DERL1: variants seen among roughly 807,000 people sequenced by gnomAD.
The protein encoded by DERL1 is derlin-1.
In DERL1, 24 loss-of-function variants were observed where a neutral mutation model predicts 41.6. The observed-to-expected ratio is 0.58, with a 90% CI of 0.42 to 0.81. DERL1 has a LOEUF of 0.81. Among genes scored for constraint, DERL1 ranks in the 30% least tolerant of loss-of-function variants. DERL1 has a pLI of 0.00. For synonymous variants in DERL1, 124 were observed against 112.5 expected (o/e 1.10, Z -0.65); for missense variants, 260 against 314.3 (o/e 0.83, Z 1.31).
intron 1 of DERL1, among the ~76,000 whole-genome samples, chr8:123,031,468 C>A (rs1812814350): frequency 6.6e-6 from 1 of 152,102 alleles, no homozygotes; most frequent in Admixed American, 6.6e-5. Context: ...TCGCTTGAAC[C>A]CAGGAGGCGG....
intron 1 of DERL1, among the ~76,000 whole-genome samples, chr8:123,033,552 T>C (rs1812861341): frequency 6.6e-6 from 1 of 152,164 alleles, no homozygotes; most frequent in Non-Finnish European, 1.5e-5. Context: ...GAGACCAGGC[T>C]GACCAAGGTG....
At chr8:123,035,817 C>G (rs948852949) in intron 1 of DERL1, among the ~76,000 whole-genome samples, 1 of 152,046 alleles carries the variant, frequency 6.6e-6, no homozygotes, top group Admixed American at 6.5e-5. Context: ...ATCTTCTAAA[C>G]AATCTGCTAC....
rs965803160 is a variant in DERL1, at chr8:123,042,257, G to T, written c.-135C>A. 2 of 1,203,608 alleles carry T rather than the reference G, an allele frequency of 1.7e-6. No individual in the cohort carries two copies. Among genetic ancestry groups the T allele is most frequent in the Non-Finnish European group, 2.2e-6 (2 of 909,764 alleles). 74.6% of individuals were successfully genotyped at this position (1,203,608 alleles called of 1,614,324 possible). On this transcript the variant is annotated 5_prime_UTR_variant, in exon 1 of 8. Coordinates refer to ENST00000259512, the MANE Select transcript of DERL1 (RefSeq NM_024295.6). Reference sequence around the variant, plus strand: ...AAGCCGCGATGCAGAAGGCGGAGACGGGCGGACGTGGCGCCACCGAATTCG... The same window carrying T: ...AAGCCGCGATGCAGAAGGCGGAGACTGGCGGACGTGGCGCCACCGAATTCG...
rs377514058 is a variant in DERL1, at chr8:123,026,774, A to C, written c.266-1724T>G. ...AGCTATTATTCACAATGGCCAAAAAATGAAACCAAGTCAAATGTCTATCAA... is the reference window on the plus strand; with the variant it reads ...AGCTATTATTCACAATGGCCAAAAACTGAAACCAAGTCAAATGTCTATCAA... On this transcript the variant is annotated intron_variant, in intron 2 of 7. Coordinates refer to ENST00000259512, the MANE Select transcript of DERL1 (RefSeq NM_024295.6). 2.4e-4 allele frequency among the ~76,000 whole-genome samples: 36 copies of C among 152,332 alleles called. 1 individual carries two copies. Among genetic ancestry groups the C allele is most frequent in the African/African-American group, 8.7e-4 (36 of 41,570 alleles).
At chr8:123,040,478 G>C (rs1315204244) in intron 1 of DERL1, among the ~76,000 whole-genome samples, 1 of 152,200 alleles carries the variant, frequency 6.6e-6, no homozygotes, top group Non-Finnish European at 1.5e-5. Context: ...GGAGCCTAAG[G>C]TACAAGTTGG....
At chr8:123,027,467 C>T (rs1167102371) in intron 2 of DERL1, among the ~76,000 whole-genome samples, 1 of 151,898 alleles carries the variant, frequency 6.6e-6, no homozygotes, top group Non-Finnish European at 1.5e-5. Context: ...ATACTAAAAA[C>T]CAATGAATTG....
intron 7 of DERL1, chr8:123,016,572 C>A (rs1365443851): frequency 6.6e-6 from 1 of 152,200 alleles, no homozygotes; most frequent in African/African-American, 2.4e-5. Flanking sequence ...CTTATAAATT[C>A]ATCTGATCTT....
At chr8:123,024,671 C>T (rs1298756156) in intron 3 of DERL1, among the ~76,000 whole-genome samples, 2 of 152,062 alleles carry the variant, frequency 1.3e-5, no homozygotes, top group African/African-American at 2.4e-5. Flanking sequence ...TCTCATGGCA[C>T]GGACTCTCTT....
intron 7 of DERL1, chr8:123,018,865 C>T (rs983466388): frequency 1.2e-5 from 4 of 325,036 alleles, no homozygotes; most frequent in Admixed American, 5.0e-5. Context: ...CCCCACTAAC[C>T]TGTGACTCTG....
chr8:123,037,903 A>G (rs1004792013), intron 1 of DERL1, among the ~76,000 whole-genome samples: 4 of 152,240 alleles, frequency 2.6e-5, no homozygotes, highest in Non-Finnish European at 5.9e-5. Flanking sequence ...CTTAGAAAAC[A>G]CAAAGGCAGC....
chr8:123,033,429 T>C (rs1426263761), intron 1 of DERL1, among the ~76,000 whole-genome samples: 1 of 152,192 alleles, frequency 6.6e-6, no homozygotes, highest in Non-Finnish European at 1.5e-5. Context: ...AAGCTGAGTA[T>C]CTTACTGCCT....
At chr8:123,040,800 C>G (rs1813041575) in intron 1 of DERL1, among the ~76,000 whole-genome samples, 1 of 152,116 alleles carries the variant, frequency 6.6e-6, no homozygotes. Context: ...ATGACTCCGA[C>G]AATTAACTTC....
intron 4 of DERL1, among the ~76,000 whole-genome samples, chr8:123,023,340 G>A (rs1298694206): frequency 6.6e-6 from 1 of 152,138 alleles, no homozygotes; most frequent in Non-Finnish European, 1.5e-5. Flanking sequence ...GGCGGATCAT[G>A]AGGTCAGGAG....
intron 7 of DERL1, 159 bp from the exon 8 acceptor site, chr8:123,015,744 T>A: frequency 1.1e-6 from 1 of 895,270 alleles, no homozygotes; most frequent in Non-Finnish European, 1.6e-6. Context: ...GTCTTTTCTG[T>A]ACTCAGCCCC....
In DERL1 at chr8:123,042,139, G is replaced by A. The variant is rs1554597028; in HGVS notation, c.-17C>T. 1 of 1,597,764 alleles carries A rather than the reference G, an allele frequency of 6.3e-7. No homozygotes were observed. Among genetic ancestry groups the A allele is most frequent in the Non-Finnish European group, 8.6e-7 (1 of 1,169,364 alleles). ...GTCCGACATCTTCGACCCACAGGTAGCCAAGATGCACAAGACCGCCCGACT... is the reference window on the plus strand; with the variant it reads ...GTCCGACATCTTCGACCCACAGGTAACCAAGATGCACAAGACCGCCCGACT... On this transcript the variant is annotated 5_prime_UTR_variant, in exon 1 of 8. Transcript: ENST00000259512.
intron 2 of DERL1, among the ~76,000 whole-genome samples, chr8:123,029,365 G>A (rs1158462292): frequency 1.3e-5 from 2 of 152,096 alleles, no homozygotes; most frequent in Non-Finnish European, 2.9e-5. Context: ...CTTACACTTT[G>A]TATTAATACA....
intron 4 of DERL1, among the ~76,000 whole-genome samples, chr8:123,023,315 T>C (rs755796316): frequency 3.9e-5 from 6 of 152,224 alleles, no homozygotes; most frequent in Non-Finnish European, 5.9e-5. Flanking sequence ...CCCAGCACTT[T>C]GGGAGGCCGA....
intron 3 of DERL1, among the ~76,000 whole-genome samples, chr8:123,023,982 A>C (rs1000815724): frequency 1.3e-5 from 2 of 152,220 alleles, no homozygotes; most frequent in Non-Finnish European, 2.9e-5. Flanking sequence ...TTAATTAAAA[A>C]AATTTTTAAG....
At position 123,014,011 on chromosome 8, in the gene DERL1, A is replaced by T. The variant is rs1814486357; in HGVS notation, c.*1436T>A. The T allele has an allele frequency of 6.6e-6, 1 of 152,224 alleles. No homozygotes were observed. The highest frequency in any genetic ancestry group is 1.5e-5 in the Non-Finnish European group (1 of 68,028). 9.4% of individuals were successfully genotyped at this position (152,224 alleles called of 1,614,324 possible). ...AAGAATAGTCATACTGTTAGAGCAC[A>T]ATGTTTCCTGAAAAGAAACTGATCA... On this transcript the variant is annotated 3_prime_UTR_variant, in exon 8 of 8. Coordinates refer to ENST00000259512, the MANE Select transcript of DERL1 (RefSeq NM_024295.6).
Sources: allele counts gnomAD v4.1 joint callset (sites outside exome capture counted in the v4.1 genomes callset), GRCh38; gene constraint gnomAD v4.1.1; transcripts MANE v1.5; gene names NCBI Gene and HGNC (gene_info 2026-07-23, HGNC 2026-07-21).